The following FILIP1L variants were observed in gnomAD, a reference collection of about 807,000 sequenced individuals.
FILIP1L encodes the protein filamin A interacting protein 1 like.
In FILIP1L, 55 loss-of-function variants were observed where a neutral mutation model predicts 96.6. The observed-to-expected ratio is 0.57, with a 90% CI of 0.46 to 0.71. FILIP1L has a LOEUF of 0.71. Ranked by LOEUF, FILIP1L falls within the 30% of genes least tolerant of loss-of-function variation. The probability of loss-of-function intolerance (pLI) is 0.00; values close to 1 mark genes in which losing one functional copy is unlikely to be tolerated. For synonymous variants in FILIP1L, 467 were observed against 473.9 expected, an observed-to-expected ratio of 0.99 and a Z score of 0.19; for missense variants, 1,304 against 1,321.2, an observed-to-expected ratio of 0.99 and a Z score of 0.20.
At position 99,850,180 on chromosome 3, in the gene FILIP1L, A is replaced by C; in HGVS notation, c.1496T>G (p.Met499Arg). The change falls in exon 5 of 6, where the codon ATG becomes AGG. Residue 499 changes from methionine to arginine, a missense_variant. Met to Arg is a moderately conservative substitution (Grantham distance 91). Transcript: ENST00000477258. ...CATTGTTTTCCGTTCATCTACAAAC[A>C]TCACAGTTAATGTTTTCAGTTTAGT... is the stretch of plus-strand genomic sequence containing the variant. ...DLTKLKTLTV[M>R]FVDERKTMSE... The C allele has an allele frequency of 6.2e-7, 1 of 1,611,434 alleles. No individual in the cohort carries two copies. Among genetic ancestry groups the C allele is most frequent in the Non-Finnish European group, 8.5e-7 (1 of 1,179,646 alleles).
chr3:99,983,471 T>TATATATATATAC, intron 1 of FILIP1L, among the ~76,000 whole-genome samples: 1 of 15,336 alleles, frequency 6.5e-5, no homozygotes, highest in Non-Finnish European at 1.2e-4. Flanking sequence ...TGTGTATATA[T>TATATATATATAC]ATATATATAT....
intron 4 of FILIP1L, among the ~76,000 whole-genome samples, chr3:99,918,757 A>T (rs1044963432): frequency 7.2e-5 from 11 of 152,210 alleles, no homozygotes; most frequent in Non-Finnish European, 1.5e-5. Flanking sequence ...TCCAGCATGT[A>T]TGAACACAAG....
At chr3:99,962,163 G>A (rs1576603634) in intron 1 of FILIP1L, among the ~76,000 whole-genome samples, 2 of 152,162 alleles carry the variant, frequency 1.3e-5, no homozygotes, top group Admixed American at 1.3e-4. Flanking sequence ...CTGAAGGTGA[G>A]GGGATGCGTG....
intron 1 of FILIP1L, among the ~76,000 whole-genome samples, chr3:100,009,408 A>G (rs1710078912): frequency 6.6e-6 from 1 of 152,100 alleles, no homozygotes; most frequent in Non-Finnish European, 1.5e-5. Context: ...TGCTCCTGTT[A>G]GCAACCTGAG....
chr3:99,872,713 G>A (rs144152711), intron 4 of FILIP1L, among the ~76,000 whole-genome samples: 2 of 152,266 alleles, frequency 1.3e-5, no homozygotes, highest in Non-Finnish European at 2.9e-5. Context: ...ATGTGTTCTC[G>A]TTCTTGGGCT....
chr3:100,068,351 T>C (rs920154171), intron 1 of FILIP1L, among the ~76,000 whole-genome samples: 3 of 7,386 alleles, frequency 4.1e-4, no homozygotes, highest in African/African-American at 8.9e-4. Context: ...AAAGAGCCTC[T>C]GTGTGTGTGT....
intron 1 of FILIP1L, among the ~76,000 whole-genome samples, chr3:100,036,425 G>A (rs1372429778): frequency 1.3e-5 from 2 of 152,166 alleles, no homozygotes; most frequent in East Asian, 3.8e-4. Flanking sequence ...ACTGCCACTG[G>A]CCTAATCTGA....
Position 99,983,462 on chromosome 3 carries a change from GTGTATATATA to G in FILIP1L, c.-10-52442_-10-52433del, listed in dbSNP as rs1238061334. 5.8e-3 allele frequency among the ~76,000 whole-genome samples: 70 copies of G among 11,980 alleles called. 4 individuals are homozygous for G. The highest frequency in any genetic ancestry group is 0.012 in the Admixed American group (12 of 970). The allele number at this position is 11,980 out of a possible 152,430, so 7.9% of individuals were successfully genotyped here. Reference sequence around the variant, plus strand: ...TATATGTATGTATATATATATATGTGTGTATATATATATATATATATATATATATATATAT... The same window carrying G: ...TATATGTATGTATATATATATATGTGTATATATATATATATATATATATAT... On this transcript the variant is annotated intron_variant, in intron 1 of 5. Coordinates refer to ENST00000477258, the MANE Select transcript of FILIP1L (RefSeq NM_001387850.1).
chr3:99,931,038 G>A lies in FILIP1L; in HGVS notation c.-10-8C>T. 6.2e-7 allele frequency: 1 copy of A among 1,607,600 alleles called. No homozygotes were observed. Among genetic ancestry groups the A allele is most frequent in the Non-Finnish European group, 8.5e-7 (1 of 1,177,228 alleles). ...GAACGCATTCTTTAAAGCCTGGAAG[G>A]AGGGAAGAAAATTTGTAAAGCTTAA... On this transcript the variant is annotated splice_region_variant and splice_polypyrimidine_tract_variant and intron_variant, in intron 1 of 5. Coordinates refer to ENST00000477258, the MANE Select transcript of FILIP1L (RefSeq NM_001387850.1).
chr3:99,982,688 T>G (rs76069801), intron 1 of FILIP1L, among the ~76,000 whole-genome samples: 2,237 of 152,252 alleles, frequency 0.015, 56 homozygotes, highest in African/African-American at 0.052. Flanking sequence ...ACTGAAGTGC[T>G]TAATCATGGA....
chr3:100,040,808 G>A (rs1423687836), intron 1 of FILIP1L: 2 of 152,200 alleles, frequency 1.3e-5, no homozygotes, highest in African/African-American at 4.8e-5. Context: ...ATTTTCTCAG[G>A]TTGTAGGATC....
At chr3:100,084,721 T>A (rs1047469578) in intron 1 of FILIP1L, among the ~76,000 whole-genome samples, 1 of 152,222 alleles carries the variant, frequency 6.6e-6, no homozygotes, top group Non-Finnish European at 1.5e-5. Flanking sequence ...TCAACCTCAC[T>A]TTTTCCACTT....
chr3:100,050,062 A>G (rs2065343975), intron 1 of FILIP1L, among the ~76,000 whole-genome samples: 1 of 152,200 alleles, frequency 6.6e-6, no homozygotes, highest in South Asian at 2.1e-4. Flanking sequence ...CCTAAGTGAA[A>G]AGGAACATGC....
At chr3:100,100,743 T>C (rs2066289448) in intron 1 of FILIP1L, among the ~76,000 whole-genome samples, 3 of 152,190 alleles carry the variant, frequency 2.0e-5, no homozygotes. Context: ...AGAAATAGCA[T>C]CACTAAGATA....
intron 1 of FILIP1L, among the ~76,000 whole-genome samples, chr3:99,944,611 G>A (rs1317245213): frequency 6.6e-6 from 1 of 152,218 alleles, no homozygotes; most frequent in Non-Finnish European, 1.5e-5. Flanking sequence ...AACCTAAAGA[G>A]GTTAAGTTAA....
intron 4 of FILIP1L, among the ~76,000 whole-genome samples, chr3:99,883,093 T>TA (rs1187427691): frequency 1.3e-5 from 2 of 152,220 alleles, no homozygotes; most frequent in Admixed American, 1.3e-4. Flanking sequence ...GTTTGGAAGA[T>TA]ATGTCAAAAG....
At chr3:100,004,253 A>G (rs1709926018) in intron 1 of FILIP1L, among the ~76,000 whole-genome samples, 1 of 152,198 alleles carries the variant, frequency 6.6e-6, no homozygotes, top group Non-Finnish European at 1.5e-5. Context: ...TGGGTTGCAT[A>G]TAATCAAGGA....
At chr3:99,958,230 T>C (rs185820330) in intron 1 of FILIP1L, among the ~76,000 whole-genome samples, 1 of 146,484 alleles carries the variant, frequency 6.8e-6, no homozygotes, top group Non-Finnish European at 1.5e-5. Context: ...TTATTATTAT[T>C]ATTATTATTA....
intron 1 of FILIP1L, among the ~76,000 whole-genome samples, chr3:100,073,983 TCCTTC>T (rs140562367): frequency 0.013 from 2,036 of 152,332 alleles, 37 homozygotes; most frequent in African/African-American, 0.043. Context: ...GCCATGGTTC[TCCTTC>T]CCTTTTTTCA....
Sources: allele counts gnomAD v4.1 joint callset (sites outside exome capture counted in the v4.1 genomes callset), GRCh38; gene constraint gnomAD v4.1.1; transcripts MANE v1.5; gene names NCBI Gene and HGNC (gene_info 2026-07-23, HGNC 2026-07-21).